The following ABHD2 variants were observed in gnomAD, a reference collection of about 807,000 sequenced individuals.
ABHD2 encodes monoacylglycerol lipase ABHD2.
Under a neutral mutation model 48.1 loss-of-function variants are expected in ABHD2, and 20 were observed. That is an observed-to-expected ratio of 0.42 (90% CI 0.29 to 0.60). The LOEUF (loss-of-function observed/expected upper bound fraction) is 0.60, where lower values mean the gene tolerates loss of function less well. Ranked by LOEUF, ABHD2 falls within the 20% of genes least tolerant of loss-of-function variation. The pLI is 0.24. For synonymous variants in ABHD2, 209 were observed against 214.2 expected (o/e 0.98, Z 0.21); for missense variants, 405 against 550.9 (o/e 0.74, Z 2.65).
Position 89,155,654 on chromosome 15 carries a change from C to G in ABHD2, c.538+120C>G. ...TGCCCATCTGCAAGAGATGGTAGGT[C>G]ACACGGTTATATCAACAGCCAACTT... On this transcript the variant is annotated intron_variant, in intron 5 of 10. Transcript: ENST00000352732. This position sits in a 1 kb window ranked among gnomAD's most constrained non-coding sequence, Gnocchi z 4.9. 1 of 1,280,646 alleles carries G rather than the reference C, an allele frequency of 7.8e-7. No individual in the cohort carries two copies. The highest frequency in any genetic ancestry group is 1.1e-6 in the Non-Finnish European group (1 of 933,150). 79.3% of individuals were successfully genotyped at this position (1,280,646 alleles called of 1,614,324 possible).
chr15:89,176,068 A>G lies in ABHD2; in HGVS notation c.722+73A>G. The G allele has an allele frequency of 6.9e-7, 1 of 1,449,576 alleles. No individual in the cohort carries two copies. The highest frequency in any genetic ancestry group is 9.3e-7 in the Non-Finnish European group (1 of 1,071,660). The allele number at this position is 1,449,576 out of a possible 1,614,324, so 89.8% of individuals were successfully genotyped here. On this transcript the variant is annotated intron_variant, in intron 6 of 10. Transcript: ENST00000352732. The surrounding 1 kb of genome is among the most constrained non-coding windows in gnomAD (Gnocchi z 4.5). ...ATAGAGATGCCCCGACGCACAACAC[A>G]CTGTTCTGTGAAGACCGGGGAACAC... is the stretch of plus-strand genomic sequence containing the variant.
chr15:89,065,266 C>G, the ABHD2 span, among the ~76,000 whole-genome samples: 1 of 152,164 alleles, frequency 6.6e-6, no homozygotes, highest in African/African-American at 2.4e-5. Context: ...ACCTCTGCCT[C>G]TACTCCCATC....
chr15:89,177,350 G>A lies in ABHD2; in HGVS notation c.722+1355G>A, dbSNP rs141566181. 9.1e-4 allele frequency among the ~76,000 whole-genome samples: 138 copies of A among 152,278 alleles called. No individual in the cohort carries two copies. The highest frequency in any genetic ancestry group is 1.7e-3 in the South Asian group (8 of 4,824). On this transcript the variant is annotated intron_variant, in intron 6 of 10. Coordinates refer to ENST00000352732, the MANE Select transcript of ABHD2 (RefSeq NM_152924.5). The surrounding 1 kb of genome is among the most constrained non-coding windows in gnomAD (Gnocchi z 5.6). ...ACTGTAAAATGAAGGAGGTGGGTTC[G>A]ATCGGCGGATCACAAAGACCGGTCC... is the stretch of plus-strand genomic sequence containing the variant.
At chr15:89,194,426 A>G (rs1322211989) in intron 10 of ABHD2, among the ~76,000 whole-genome samples, 1 of 152,150 alleles carries the variant, frequency 6.6e-6, no homozygotes, top group African/African-American at 2.4e-5. Flanking sequence ...TGGAGGTTGC[A>G]GTGAGCTGAG....
rs879910493 is a variant in ABHD2 at position 89,106,624 on chromosome 15, G to A, written c.-106-7101G>A. On this transcript the variant is annotated intron_variant, in intron 1 of 10. Coordinates refer to ENST00000352732, the MANE Select transcript of ABHD2 (RefSeq NM_152924.5). This position sits in a 1 kb window ranked among gnomAD's most constrained non-coding sequence, Gnocchi z 4.2. Reference sequence around the variant, plus strand: ...CCCAAAATCATCTGGGCTTGTTTTCGTCCCTGCAGAATGGTTTTTTTCCCC... The same window carrying A: ...CCCAAAATCATCTGGGCTTGTTTTCATCCCTGCAGAATGGTTTTTTTCCCC... Among the ~76,000 whole-genome samples the A allele has an allele frequency of 1.1e-4, 17 of 152,174 alleles. No homozygotes were observed. Among genetic ancestry groups the A allele is most frequent in the Middle Eastern group, 3.2e-3 (1 of 316 alleles).
At chr15:89,119,866 G>A (rs1024558264) in intron 3 of ABHD2, among the ~76,000 whole-genome samples, 1 of 152,212 alleles carries the variant, frequency 6.6e-6, no homozygotes, top group African/African-American at 2.4e-5. Context: ...AAACACGTCT[G>A]TTATGAGGGA....
rs556694650 is a variant in ABHD2, at chr15:89,174,621, A to C, written c.539-1191A>C. ...GCTGTTCAACTCTATTAAGAATGCCAAAACCTCTGAGCTGGTGCCAAAGTC... is the reference window on the plus strand; with the variant it reads ...GCTGTTCAACTCTATTAAGAATGCCCAAACCTCTGAGCTGGTGCCAAAGTC... On this transcript the variant is annotated intron_variant, in intron 5 of 10. Coordinates refer to ENST00000352732, the MANE Select transcript of ABHD2 (RefSeq NM_152924.5). The surrounding 1 kb of genome is among the most constrained non-coding windows in gnomAD (Gnocchi z 4.1). 1.3e-5 allele frequency among the ~76,000 whole-genome samples: 2 copies of C among 152,350 alleles called. No individual in the cohort carries two copies. The highest frequency in any genetic ancestry group is 1.3e-4 in the Admixed American group (2 of 15,302).
the ABHD2 span, among the ~76,000 whole-genome samples, chr15:89,049,763 G>C: frequency 3.9e-5 from 6 of 152,196 alleles, no homozygotes; most frequent in African/African-American, 1.4e-4. Context: ...CATGATGCAC[G>C]CACCCACTGA....
At position 89,175,771 on chromosome 15, in the gene ABHD2, G is replaced by T; in HGVS notation, c.539-41G>T. On this transcript the variant is annotated intron_variant, in intron 5 of 10. Coordinates refer to ENST00000352732, the MANE Select transcript of ABHD2 (RefSeq NM_152924.5). This position sits in a 1 kb window ranked among gnomAD's most constrained non-coding sequence, Gnocchi z 5.7. ...AGCTTGCATTTTCTCCAGATAGGAT[G>T]CACCTGAAATGATTGAGCAATCTCA... The T allele has an allele frequency of 1.2e-6, 2 of 1,610,584 alleles. No individual in the cohort carries two copies. Among genetic ancestry groups the T allele is most frequent in the Non-Finnish European group, 1.7e-6 (2 of 1,178,096 alleles).
At chr15:89,079,639 C>G in the ABHD2 span, among the ~76,000 whole-genome samples, 1 of 152,206 alleles carries the variant, frequency 6.6e-6, no homozygotes, top group African/African-American at 2.4e-5. The surrounding 1 kb of genome is among the most constrained non-coding windows in gnomAD (Gnocchi z 4.3). Flanking sequence ...TGCTTAAGAT[C>G]AAAGCCACAA....
At chr15:89,130,506 G>T (rs988463279) in intron 3 of ABHD2, among the ~76,000 whole-genome samples, 14 of 152,132 alleles carry the variant, frequency 9.2e-5, no homozygotes, top group African/African-American at 3.4e-4. Context: ...TTTCTGGTTG[G>T]TCCGGTAAAG....
intron 8 of ABHD2, among the ~76,000 whole-genome samples, chr15:89,190,043 C>T (rs2051278107): frequency 6.6e-6 from 1 of 152,176 alleles, no homozygotes; most frequent in Non-Finnish European, 1.5e-5. Flanking sequence ...ATGATCTCTA[C>T]ACTTGGCCTC....
intron 5 of ABHD2, among the ~76,000 whole-genome samples, chr15:89,157,609 C>G (rs971139700): frequency 6.6e-6 from 1 of 152,066 alleles, no homozygotes; most frequent in African/African-American, 2.4e-5. Context: ...TTTGGGAGGC[C>G]AAGGCAGGCA....
Position 89,183,384 on chromosome 15 carries a change from AATATATAT to A in ABHD2, c.723-2015_723-2008del, listed in dbSNP as rs1555433648. ...AGTCCTTTTCAAAAAAAAAAAAAAAAATATATATATATATATATATATATATATATATG... is the reference window on the plus strand; with the variant it reads ...AGTCCTTTTCAAAAAAAAAAAAAAAAATATATATATATATATATATATATG... On this transcript the variant is annotated intron_variant, in intron 6 of 10. Transcript: ENST00000352732. 386 of 46,220 alleles carry A rather than the reference AATATATAT, an allele frequency of 8.4e-3. 7 individuals carry two copies. Among genetic ancestry groups the A allele is most frequent in the African/African-American group, 0.02 (283 of 14,384 alleles). 2.9% of individuals were successfully genotyped at this position (46,220 alleles called of 1,614,324 possible).
intron 3 of ABHD2, among the ~76,000 whole-genome samples, chr15:89,132,189 G>A (rs530431857): frequency 3.3e-5 from 5 of 152,306 alleles, no homozygotes; most frequent in South Asian, 4.1e-4. Flanking sequence ...AAGAGCTGTC[G>A]GGTCAGACAC....
rs927359042 is a variant in ABHD2, at chr15:89,200,831, C to G, written c.*5408C>G. 1 of 303,838 alleles carries G rather than the reference C, an allele frequency of 3.3e-6. No individual in the cohort carries two copies. The highest frequency in any genetic ancestry group is 6.3e-6 in the Non-Finnish European group (1 of 159,392). The allele number at this position is 303,838 out of a possible 1,614,324, so 18.8% of individuals were successfully genotyped here. ...GGCATAGTGGCTCACTCCTGTAATC[C>G]CAGCACTTTGGAGGCCGAGGCGGGT... is the stretch of plus-strand genomic sequence containing the variant. On this transcript the variant is annotated 3_prime_UTR_variant, in exon 11 of 11. Coordinates refer to ENST00000352732, the MANE Select transcript of ABHD2 (RefSeq NM_152924.5).
chr15:89,046,213 A>G, the ABHD2 span, among the ~76,000 whole-genome samples: 1 of 152,166 alleles, frequency 6.6e-6, no homozygotes, highest in South Asian at 2.1e-4. Context: ...TGATTTGCGT[A>G]TATTGAACCA....
intron 1 of ABHD2, among the ~76,000 whole-genome samples, chr15:89,098,328 A>C (rs981390622): frequency 6.6e-6 from 1 of 152,144 alleles, no homozygotes; most frequent in Admixed American, 6.5e-5. Context: ...CAGCTGGGAA[A>C]TGTTCTTTTT....
At chr15:89,161,552 C>A (rs1331239012) in intron 5 of ABHD2, among the ~76,000 whole-genome samples, 1 of 152,166 alleles carries the variant, frequency 6.6e-6, no homozygotes, top group African/African-American at 2.4e-5. Flanking sequence ...AAGCACCCGC[C>A]ACCACACCCA....
Sources: allele counts gnomAD v4.1 joint callset (sites outside exome capture counted in the v4.1 genomes callset), GRCh38; gene constraint gnomAD v4.1.1; non-coding constraint Gnocchi (gnomAD v3.1); transcripts MANE v1.5; gene names NCBI Gene and HGNC (gene_info 2026-07-23, HGNC 2026-07-21).